Variants in LRP1B observed in about 807,000 individuals in gnomAD.
LRP1B encodes the protein low-density lipoprotein receptor-related protein 1B.
A neutral mutation model predicts 556.6 loss-of-function variants in LRP1B; 217 were observed. The ratio of observed to expected loss-of-function variants is 0.39; its 90% CI spans 0.35 to 0.44. LRP1B has a LOEUF of 0.44. Among genes scored for constraint, LRP1B ranks in the 20% least tolerant of loss-of-function variants. The pLI, the probability that LRP1B is intolerant of heterozygous loss-of-function variation, is 1.00. For missense variants in LRP1B, 5,053 were observed against 5,620.8 expected (o/e 0.90, Z 3.23); for synonymous variants, 2,047 against 1,865.8 (o/e 1.10, Z -2.50).
rs533839395 is a variant in LRP1B at position 140,563,568 on chromosome 2, A to G, written c.7195-21597T>C. On this transcript the variant is annotated intron_variant, in intron 43 of 90. Coordinates refer to ENST00000389484, the MANE Select transcript of LRP1B (RefSeq NM_018557.3). Reference sequence around the variant, plus strand: ...ACTTTTCCTCTACTGGTGTCATTCTATTGATTTACACCTACAGAACAATGT... The same window carrying G: ...ACTTTTCCTCTACTGGTGTCATTCTGTTGATTTACACCTACAGAACAATGT... Among the ~76,000 whole-genome samples, 10 of 152,292 alleles carry G rather than the reference A, an allele frequency of 6.6e-5. No individual in the cohort carries two copies. The South Asian group carries it at 2.1e-3, about 32-fold the overall frequency.
At chr2:141,748,722 T>C (rs1693998776) in intron 2 of LRP1B, among the ~76,000 whole-genome samples, 1 of 152,226 alleles carries the variant, frequency 6.6e-6, no homozygotes, top group South Asian at 2.1e-4. Flanking sequence ...ATGGAAGATA[T>C]ACTAGGTTTC....
chr2:141,934,308 A>T (rs897975455), intron 1 of LRP1B, among the ~76,000 whole-genome samples: 1 of 152,034 alleles, frequency 6.6e-6, no homozygotes, highest in Non-Finnish European at 1.5e-5. Context: ...ATCTAATTGA[A>T]TGACAGAAGG....
chr2:142,008,191 C>T (rs75519659), intron 1 of LRP1B, among the ~76,000 whole-genome samples: 1,935 of 152,316 alleles, frequency 0.013, 19 homozygotes, highest in Non-Finnish European at 0.02. Context: ...GATTTGAGAT[C>T]CTGTTTCACC....
intron 1 of LRP1B, among the ~76,000 whole-genome samples, chr2:142,015,785 C>T (rs759438355): frequency 1.7e-4 from 26 of 151,486 alleles, no homozygotes; most frequent in Non-Finnish European, 2.5e-4. Flanking sequence ...CGAGGTCAGG[C>T]GATCGAGACC....
chr2:141,340,879 T>G (rs1688032202), intron 3 of LRP1B, among the ~76,000 whole-genome samples: 1 of 152,126 alleles, frequency 6.6e-6, no homozygotes, highest in Non-Finnish European at 1.5e-5. Flanking sequence ...TCAGGAACTT[T>G]AAAAAATTAC....
intron 27 of LRP1B, among the ~76,000 whole-genome samples, chr2:140,858,318 T>C (rs1410408212): frequency 6.6e-6 from 1 of 151,888 alleles, no homozygotes; most frequent in Non-Finnish European, 1.5e-5. Flanking sequence ...TTAGATCACA[T>C]AAATCTCATA....
intron 7 of LRP1B, among the ~76,000 whole-genome samples, chr2:141,147,082 C>A (rs962657539): frequency 6.6e-6 from 1 of 152,178 alleles, no homozygotes; most frequent in Non-Finnish European, 1.5e-5. Flanking sequence ...TTCTTCTCCC[C>A]TCCTTTTCTG....
intron 2 of LRP1B, among the ~76,000 whole-genome samples, chr2:141,603,378 C>T (rs574507534): frequency 1.3e-5 from 2 of 152,244 alleles, no homozygotes; most frequent in African/African-American, 4.8e-5. Flanking sequence ...AGTTACTAAT[C>T]CTTCAGTGAA....
At chr2:141,155,144 A>G (rs1381344244) in intron 7 of LRP1B, among the ~76,000 whole-genome samples, 1 of 151,982 alleles carries the variant, frequency 6.6e-6, no homozygotes, top group African/African-American at 2.4e-5. Flanking sequence ...GAGTGGAAAC[A>G]TAATTTTTGG....
intron 41 of LRP1B, among the ~76,000 whole-genome samples, chr2:140,677,633 G>A (rs1344006968): frequency 6.6e-6 from 1 of 152,154 alleles, no homozygotes; most frequent in Admixed American, 6.5e-5. Flanking sequence ...AGCACTTTGG[G>A]AGGCCAATGT....
At position 141,860,650 on chromosome 2, in the gene LRP1B, T is replaced by C. The variant is rs1274946301; in HGVS notation, c.83-50249A>G. Among the ~76,000 whole-genome samples, 4 of 152,256 alleles carry C rather than the reference T, an allele frequency of 2.6e-5. No homozygotes were observed. In the East Asian group the frequency reaches 7.7e-4, roughly 29 times the overall value. On this transcript the variant is annotated intron_variant, in intron 1 of 90. Coordinates refer to ENST00000389484, the MANE Select transcript of LRP1B (RefSeq NM_018557.3). ...TCTTGACGTTCATGAATATTAAATG[T>C]TGAAAAGTAATTAGATGGTAAAAAT...
intron 4 of LRP1B, 114 bp from the exon 5 acceptor site, chr2:141,247,468 AT>A: frequency 8.2e-7 from 1 of 1,215,072 alleles, no homozygotes; most frequent in Non-Finnish European, 1.2e-6. Flanking sequence ...GGAAAAGCCA[AT>A]TCCAATAAGT....
intron 84 of LRP1B, among the ~76,000 whole-genome samples, chr2:140,296,319 A>G (rs1297510064): frequency 6.6e-6 from 1 of 152,182 alleles, no homozygotes; most frequent in Non-Finnish European, 1.5e-5. Flanking sequence ...CTCATTATAC[A>G]GATGGACATA....
intron 27 of LRP1B, among the ~76,000 whole-genome samples, chr2:140,860,597 T>C (rs72988157): frequency 0.02 from 2,968 of 152,156 alleles, 92 homozygotes; most frequent in African/African-American, 0.067. Flanking sequence ...AAAAACATAA[T>C]TGGTGAAAAT....
chr2:141,890,373 A>ATAT (rs777143469), intron 1 of LRP1B, among the ~76,000 whole-genome samples: 2 of 59,222 alleles, frequency 3.4e-5, no homozygotes, highest in African/African-American at 7.8e-5. Context: ...ATATATATAT[A>ATAT]GTGTGTATAC....
At chr2:140,848,728 A>C (rs1281734854) in intron 29 of LRP1B, among the ~76,000 whole-genome samples, 1 of 152,216 alleles carries the variant, frequency 6.6e-6, no homozygotes, top group Non-Finnish European at 1.5e-5. Context: ...TTGGATATTC[A>C]GTCATGGCAA....
intron 30 of LRP1B, among the ~76,000 whole-genome samples, 159 bp from the exon 31 acceptor site, chr2:140,840,244 TA>T (rs1692058834): frequency 6.6e-6 from 1 of 152,174 alleles, no homozygotes; most frequent in Non-Finnish European, 1.5e-5. Context: ...TTGCCAGCAA[TA>T]ACCTACATAT....
At chr2:140,612,396 C>A (rs1683102432) in intron 41 of LRP1B, among the ~76,000 whole-genome samples, 1 of 152,088 alleles carries the variant, frequency 6.6e-6, no homozygotes, top group Non-Finnish European at 1.5e-5. Flanking sequence ...ACATTTACCT[C>A]TGAACAAATT....
chr2:141,032,930 G>A (rs1272031209), intron 11 of LRP1B, among the ~76,000 whole-genome samples: 1 of 150,100 alleles, frequency 6.7e-6, no homozygotes, highest in Non-Finnish European at 1.5e-5. Context: ...TTCCCCATAC[G>A]CACACAGGCA....
Sources: gnomAD v4.1 joint callset for allele counts (sites outside exome capture counted in the v4.1 genomes callset) on GRCh38, gnomAD v4.1.1 for gene constraint, MANE v1.5 for transcripts, NCBI Gene and HGNC (gene_info 2026-07-23, HGNC 2026-07-21) for gene names.